Variants in SYN3 observed in about 807,000 individuals in gnomAD.
SYN3 encodes the protein synapsin-3.
SYN3 carries 35 observed loss-of-function variants against 65.8 expected under a neutral mutation model. The observed-to-expected ratio is 0.53, with a 90% CI of 0.41 to 0.70. The LOEUF (loss-of-function observed/expected upper bound fraction) is 0.70. Among genes scored for constraint, SYN3 ranks in the 30% least tolerant of loss-of-function variants. The pLI is 0.00. For synonymous variants in SYN3, 270 were observed against 292.9 expected (o/e 0.92, Z 0.80); for missense variants, 680 against 749.0 (o/e 0.91, Z 1.08).
intron 6 of SYN3, among the ~76,000 whole-genome samples, chr22:32,664,605 T>TTTTC (rs2060263246): frequency 8.3e-6 from 1 of 120,618 alleles, no homozygotes; most frequent in African/African-American, 3.1e-5. Context: ...TTTTTTTTTT[T>TTTTC]TTTTTGACAG....
At chr22:32,533,739 T>G in intron 10 of SYN3, 54 bp downstream of exon 10, 1 of 1,309,654 alleles carries the variant, frequency 7.6e-7, no homozygotes. Flanking sequence ...TCCCTCCCCC[T>G]GGCACGCCTG....
intron 4 of SYN3, among the ~76,000 whole-genome samples, chr22:32,912,568 T>C (rs765711080): frequency 3.3e-5 from 5 of 151,628 alleles, no homozygotes; most frequent in Non-Finnish European, 5.9e-5. Flanking sequence ...AAAATAATAA[T>C]AAATTAGCCA....
At chr22:32,526,662 C>G (rs2057982537) in intron 12 of SYN3, among the ~76,000 whole-genome samples, 1 of 152,118 alleles carries the variant, frequency 6.6e-6, no homozygotes, top group East Asian at 1.9e-4. Flanking sequence ...ATTACAGGTG[C>G]ACACCACCAC....
rs1397311483 is a variant in SYN3, at chr22:32,899,937, G to T, written c.462-30812C>A. On this transcript the variant is annotated intron_variant, in intron 4 of 13. Coordinates refer to ENST00000358763, the MANE Select transcript of SYN3 (RefSeq NM_003490.4). ...TAAAAAATTAGCCGGGCGCGGTGGC[G>T]GGCGCCTGTAGTCCCAGCTACTCGG... Among the ~76,000 whole-genome samples, 2 of 21,250 alleles carry T rather than the reference G, an allele frequency of 9.4e-5. 1 individual carries two copies. The highest frequency in any genetic ancestry group is 1.7e-4 in the Non-Finnish European group (2 of 12,006). The allele number at this position is 21,250 out of a possible 152,430, so 13.9% of individuals were successfully genotyped here. A position where few individuals can be genotyped will look rare whatever the true frequency, so the allele number is the denominator to read the frequency against.
intron 12 of SYN3, among the ~76,000 whole-genome samples, chr22:32,526,744 C>T (rs889951623): frequency 6.6e-6 from 1 of 152,144 alleles, no homozygotes; most frequent in African/African-American, 2.4e-5. Context: ...TGGTCTCGAA[C>T]TCCTGACCTC....
chr22:32,592,480 A>C (rs1382944205), intron 7 of SYN3, among the ~76,000 whole-genome samples: 1 of 152,064 alleles, frequency 6.6e-6, no homozygotes, highest in Non-Finnish European at 1.5e-5. Context: ...GATGTCCACT[A>C]TTTTTTTGTT....
chr22:32,983,267 G>A (rs1045808708), intron 2 of SYN3, among the ~76,000 whole-genome samples: 2 of 152,118 alleles, frequency 1.3e-5, no homozygotes, highest in African/African-American at 4.8e-5. Flanking sequence ...CCCATCAGCT[G>A]GATGCAGCCA....
At chr22:32,743,618 G>C (rs935288473) in intron 6 of SYN3, among the ~76,000 whole-genome samples, 2 of 152,166 alleles carry the variant, frequency 1.3e-5, no homozygotes, top group African/African-American at 2.4e-5. Flanking sequence ...GCCCACCTGA[G>C]CTAGATAGGG....
intron 6 of SYN3, among the ~76,000 whole-genome samples, chr22:32,799,428 A>C (rs1235041186): frequency 6.6e-6 from 1 of 152,232 alleles, no homozygotes; most frequent in Middle Eastern, 3.2e-3. Context: ...CTGGAAAAAA[A>C]CGCTTCAGAT....
chr22:32,828,626 A>G (rs1231448933), intron 6 of SYN3, among the ~76,000 whole-genome samples: 2 of 152,208 alleles, frequency 1.3e-5, no homozygotes, highest in Non-Finnish European at 2.9e-5. Flanking sequence ...AGGGACAGGA[A>G]GTGACCTGCC....
chr22:32,725,938 C>T (rs561844323), intron 6 of SYN3, among the ~76,000 whole-genome samples: 28 of 152,292 alleles, frequency 1.8e-4, no homozygotes, highest in African/African-American at 6.7e-4. Flanking sequence ...CCCCAAAATA[C>T]GTAAAAGCTC....
At chr22:32,712,816 C>T (rs2060983759) in intron 6 of SYN3, among the ~76,000 whole-genome samples, 1 of 152,152 alleles carries the variant, frequency 6.6e-6, no homozygotes, top group Non-Finnish European at 1.5e-5. Flanking sequence ...ATGCACTATT[C>T]CCTCTGCCTG....
chr22:32,641,138 G>A (rs1287616200), intron 6 of SYN3, among the ~76,000 whole-genome samples: 1 of 152,158 alleles, frequency 6.6e-6, no homozygotes, highest in Non-Finnish European at 1.5e-5. Context: ...TCAATACATT[G>A]AGCACGAACG....
chr22:32,643,027 C>T (rs1339736669), intron 6 of SYN3, among the ~76,000 whole-genome samples: 2 of 152,082 alleles, frequency 1.3e-5, no homozygotes, highest in Non-Finnish European at 2.9e-5. Flanking sequence ...AAAAGATGAG[C>T]TTATAAAAGT....
chr22:32,868,935 T>C (rs1378683958), intron 5 of SYN3, 31 bp downstream of exon 5: 3 of 1,601,906 alleles, frequency 1.9e-6, no homozygotes, highest in Non-Finnish European at 2.6e-6. Context: ...GCCTCCCAGA[T>C]CCCTCCAGGT....
At chr22:32,776,147 G>A (rs2045902387) in intron 6 of SYN3, among the ~76,000 whole-genome samples, 1 of 152,178 alleles carries the variant, frequency 6.6e-6, no homozygotes, top group East Asian at 1.9e-4. Flanking sequence ...ACAAGCCAAG[G>A]AACTTGGACA....
chr22:32,735,338 T>C (rs543057848), intron 6 of SYN3, among the ~76,000 whole-genome samples: 1 of 152,276 alleles, frequency 6.6e-6, no homozygotes, highest in African/African-American at 2.4e-5. Flanking sequence ...TGAGGTAATA[T>C]ATGTAAAGTG....
chr22:32,927,096 G>T (rs1173239182), intron 4 of SYN3, among the ~76,000 whole-genome samples: 1 of 152,016 alleles, frequency 6.6e-6, no homozygotes, highest in African/African-American at 2.4e-5. Flanking sequence ...TTACCTACCG[G>T]TATAGAAAAG....
intron 3 of SYN3, among the ~76,000 whole-genome samples, chr22:32,935,015 G>A (rs1395251157): frequency 6.6e-6 from 1 of 152,228 alleles, no homozygotes; most frequent in Non-Finnish European, 1.5e-5. Flanking sequence ...TTCAGAGGGT[G>A]TGCAGCTCTG....
Sources: allele counts gnomAD v4.1 joint callset (sites outside exome capture counted in the v4.1 genomes callset), GRCh38; gene constraint gnomAD v4.1.1; transcripts MANE v1.5; gene names NCBI Gene and HGNC (gene_info 2026-07-23, HGNC 2026-07-21).